Variants in STRN3 observed in about 807,000 individuals in gnomAD.
STRN3 encodes striatin 3.
In STRN3, 29 loss-of-function variants were observed where a neutral mutation model predicts 95.6. That is an observed-to-expected ratio of 0.30 (90% confidence interval 0.23 to 0.41). The LOEUF (loss-of-function observed/expected upper bound fraction) is 0.41, where lower values mean the gene tolerates loss of function less well. Ranked by LOEUF, STRN3 falls within the 10% of genes least tolerant of loss-of-function variation. STRN3 has a pLI of 1.00. For missense variants in STRN3, 890 were observed against 972.1 expected (o/e 0.92, Z 1.12); for synonymous variants, 331 against 357.6 (o/e 0.93, Z 0.84).
chr14:30,958,065 C>T (rs1388279327), intron 1 of STRN3, among the ~76,000 whole-genome samples: 3 of 152,200 alleles, frequency 2.0e-5, no homozygotes, highest in Non-Finnish European at 4.4e-5. Context: ...ATGAAATTAT[C>T]TACAACTTCT....
At chr14:30,985,083 G>A (rs1273710901) in intron 1 of STRN3, among the ~76,000 whole-genome samples, 2 of 151,900 alleles carry the variant, frequency 1.3e-5, no homozygotes, top group Non-Finnish European at 2.9e-5. Flanking sequence ...TTGGGAGGCC[G>A]AGGTAGGTGG....
At chr14:30,962,609 C>A (rs991009288) in intron 1 of STRN3, among the ~76,000 whole-genome samples, 8 of 152,226 alleles carry the variant, frequency 5.3e-5, no homozygotes, top group African/African-American at 1.9e-4. Context: ...TCACAGTTCA[C>A]TGCAGCCTCA....
chr14:31,013,758 A>T (rs1045496680), intron 1 of STRN3, among the ~76,000 whole-genome samples: 5 of 145,434 alleles, frequency 3.4e-5, no homozygotes, highest in African/African-American at 1.3e-4. Flanking sequence ...GTCTGGCTAA[A>T]TTTTTTCTTT....
At chr14:30,991,465 A>C (rs56862737) in intron 1 of STRN3, among the ~76,000 whole-genome samples, 14,636 of 152,218 alleles carry the variant, frequency 0.096, 765 homozygotes, top group South Asian at 0.16. Context: ...AATAAATATT[A>C]TAATAATGGA....
intron 1 of STRN3, among the ~76,000 whole-genome samples, chr14:31,015,994 A>G (rs1313007313): frequency 1.3e-5 from 2 of 152,180 alleles, no homozygotes; most frequent in African/African-American, 4.8e-5. Context: ...AGGGGAATGT[A>G]AATTAAAAAC....
chr14:30,932,109 A>G (rs936424076), intron 7 of STRN3: 6 of 152,240 alleles, frequency 3.9e-5, no homozygotes, highest in African/African-American at 1.2e-4. Context: ...TCTATTAAAA[A>G]TACAAAAACT....
At chr14:30,906,673 C>G (rs1896469221) in intron 14 of STRN3, among the ~76,000 whole-genome samples, 1 of 151,742 alleles carries the variant, frequency 6.6e-6, no homozygotes, top group Non-Finnish European at 1.5e-5. Context: ...AAATGGAATA[C>G]AAAAAAGGTA....
intron 1 of STRN3, among the ~76,000 whole-genome samples, chr14:30,995,533 A>G (rs1594557187): frequency 6.6e-6 from 1 of 152,268 alleles, no homozygotes; most frequent in African/African-American, 2.4e-5. Context: ...AATCCTTCTG[A>G]TTAGGATTTC....
At position 30,936,496 on chromosome 14, in the gene STRN3, T is replaced by A. The variant is rs1164669833; in HGVS notation, c.845A>T (p.Lys282Ile). The A allele has an allele frequency of 6.2e-7, 1 of 1,609,758 alleles. No individual in the cohort carries two copies. Among genetic ancestry groups the A allele is most frequent in the African/African-American group, 1.3e-5 (1 of 74,560 alleles). Residue 282 changes from lysine (K) to isoleucine (I), a missense_variant and splice_region_variant, in exon 6 of 18, where the codon AAA (lysine) becomes ATA (isoleucine). Coordinates refer to ENST00000357479, the MANE Select transcript of STRN3 (RefSeq NM_001083893.2). ...GKDKHRMNKHKIGNEGLAADL... is the reference protein window; with the variant it reads ...GKDKHRMNKHIIGNEGLAADL... ...AAGAATATAAAATGTAATTCCTACT[T>A]TATGTTTATTCATCCGATGTTTGTC...
In STRN3 at chr14:30,911,042, A is replaced by G. The variant is rs752804067; in HGVS notation, c.1719T>C (p.Tyr573=). The change falls in exon 13 of 18, where the codon TAT becomes TAC. Residue 573 remains tyrosine (Y), a splice_region_variant and synonymous_variant. Transcript: ENST00000357479. Reference sequence around the variant, plus strand: ...ATACATTTTGATCATTTTACTTACCATATGTATCATATGGATCTACACTGG... The same window carrying G: ...ATACATTTTGATCATTTTACTTACCGTATGTATCATATGGATCTACACTGG... The part of the protein sequence containing the change: ...PSPSVDPYDT[Y]EPNVLAGTLV... 5.0e-6 allele frequency: 8 copies of G among 1,605,070 alleles called. No homozygotes were observed. The East Asian group carries it at 6.7e-5, about 13-fold the overall frequency.
At chr14:30,911,943 A>G in intron 11 of STRN3, 64 bp downstream of exon 11, 2 of 1,570,836 alleles carry the variant, frequency 1.3e-6, no homozygotes, top group Non-Finnish European at 8.6e-7. Flanking sequence ...AACAATAATG[A>G]GGAATAATTA....
At chr14:30,909,358 C>T (rs983287191) in intron 13 of STRN3, among the ~76,000 whole-genome samples, 6 of 151,746 alleles carry the variant, frequency 4.0e-5, no homozygotes, top group Non-Finnish European at 5.9e-5. Context: ...AAAATTAGTG[C>T]GGTGTGGTGG....
intron 5 of STRN3, among the ~76,000 whole-genome samples, chr14:30,942,080 A>C (rs948061520): frequency 3.3e-5 from 5 of 152,116 alleles, no homozygotes; most frequent in Admixed American, 2.0e-4. Context: ...TCTCAAATGC[A>C]CTTATGTTTA....
intron 1 of STRN3, among the ~76,000 whole-genome samples, chr14:30,975,332 A>G (rs1056791826): frequency 2.6e-5 from 4 of 151,750 alleles, no homozygotes; most frequent in Non-Finnish European, 4.4e-5. Flanking sequence ...GTATGTTCTC[A>G]TAACTGGGAG....
intron 3 of STRN3, among the ~76,000 whole-genome samples, chr14:30,952,433 T>A (rs1879692663): frequency 6.6e-6 from 1 of 151,950 alleles, no homozygotes; most frequent in Non-Finnish European, 1.5e-5. Flanking sequence ...GAACAGTGGC[T>A]AAGGGTCTGC....
chr14:30,940,571 T>C (rs1037164948), intron 5 of STRN3, among the ~76,000 whole-genome samples: 1 of 152,206 alleles, frequency 6.6e-6, no homozygotes, highest in African/African-American at 2.4e-5. Context: ...TTTTTCTATC[T>C]GGAAGATTTT....
At chr14:31,018,380 T>C (rs572967030) in intron 1 of STRN3, 2 of 343,480 alleles carry the variant, frequency 5.8e-6, no homozygotes, top group South Asian at 4.7e-5. Flanking sequence ...CTCAAAGAAA[T>C]GTGTGTTGAA....
At chr14:30,986,799 A>T (rs1040079246) in intron 1 of STRN3, among the ~76,000 whole-genome samples, 1 of 152,246 alleles carries the variant, frequency 6.6e-6, no homozygotes, top group South Asian at 2.1e-4. Flanking sequence ...TAAACAGAAG[A>T]TATCAACTAT....
chr14:30,924,101 C>T (rs1896949751), intron 8 of STRN3, among the ~76,000 whole-genome samples: 1 of 150,806 alleles, frequency 6.6e-6, no homozygotes, highest in Non-Finnish European at 1.5e-5. Context: ...TCAACACTTA[C>T]TTCTTGATTT....
Sources: gnomAD v4.1 joint callset for allele counts (sites outside exome capture counted in the v4.1 genomes callset) on GRCh38, gnomAD v4.1.1 for gene constraint, MANE v1.5 for transcripts, NCBI Gene and HGNC (gene_info 2026-07-23, HGNC 2026-07-21) for gene names.